Variants in XRCC2 observed in about 807,000 individuals in gnomAD.
XRCC2 encodes X-ray repair cross complementing 2.
A neutral mutation model predicts 27.3 loss-of-function variants in XRCC2; 24 were observed. That is an observed-to-expected ratio of 0.88 (90% CI 0.64 to 1.24). XRCC2 has a LOEUF of 1.24. XRCC2 is among the 50% of genes most tolerant of loss of function. The pLI, the probability that XRCC2 is intolerant of heterozygous loss-of-function variation, is 0.00. For missense variants in XRCC2, 321 were observed against 325.8 expected, an observed-to-expected ratio of 0.99 and a Z score of 0.11; for synonymous variants, 106 against 115.4, an observed-to-expected ratio of 0.92 and a Z score of 0.52.
intron 1 of XRCC2, among the ~76,000 whole-genome samples, chr7:152,664,605 G>A (rs965937716): frequency 3.9e-5 from 6 of 152,244 alleles, no homozygotes; most frequent in Middle Eastern, 3.4e-3. Context: ...GTTCCACCAC[G>A]GGCTCTCCTG....
rs140261690 is a variant in XRCC2, at chr7:152,660,598, C to T, written c.121+103G>A. 4.6e-4 allele frequency: 427 copies of T among 921,242 alleles called. 3 individuals carry two copies. The East Asian group carries it at 0.01, about 22-fold the overall frequency. The allele number at this position is 921,242 out of a possible 1,614,324, so 57.1% of individuals were successfully genotyped here. A position where few individuals can be genotyped will look rare whatever the true frequency, so the allele number is the denominator to read the frequency against. On this transcript the variant is annotated intron_variant, in intron 2 of 2. Transcript: ENST00000359321. The stretch of plus-strand genomic sequence containing the variant: ...CTCATTTTCCAATTGTACAGTTTAA[C>T]CTGTATAAACTCTTGTGAGGAGTAT...
intron 1 of XRCC2, among the ~76,000 whole-genome samples, chr7:152,663,138 T>G (rs575003365): frequency 6.6e-6 from 1 of 152,126 alleles, no homozygotes; most frequent in South Asian, 2.1e-4. Flanking sequence ...GGCATACCCA[T>G]GGCCAAAACT....
At chr7:152,667,268 G>A (rs1466511554) in intron 1 of XRCC2, among the ~76,000 whole-genome samples, 3 of 151,762 alleles carry the variant, frequency 2.0e-5, no homozygotes, top group Non-Finnish European at 2.9e-5. Context: ...TTAGCCAGGC[G>A]TGGTGGCACA....
chr7:152,659,501 C>G (rs977842935), intron 2 of XRCC2, among the ~76,000 whole-genome samples: 1 of 152,134 alleles, frequency 6.6e-6, no homozygotes, highest in African/African-American at 2.4e-5. Context: ...AGCAAAGGAT[C>G]TGACGTTTCT....
intron 1 of XRCC2, among the ~76,000 whole-genome samples, chr7:152,672,005 C>T (rs1318748989): frequency 2.0e-5 from 3 of 152,188 alleles, no homozygotes; most frequent in Admixed American, 6.5e-5. Context: ...CGTGCCACTG[C>T]TGTCCAGCCT....
intron 2 of XRCC2, among the ~76,000 whole-genome samples, chr7:152,653,100 TG>T (rs755850317): frequency 6.6e-6 from 1 of 152,018 alleles, no homozygotes; most frequent in Non-Finnish European, 1.5e-5. Context: ...AGGGACCCAG[TG>T]GGGGTAATTG....
chr7:152,660,239 C>A (rs1437717585), intron 2 of XRCC2, among the ~76,000 whole-genome samples: 1 of 152,016 alleles, frequency 6.6e-6, no homozygotes, highest in Admixed American at 6.6e-5. Context: ...GTGTAATAAC[C>A]TAAAAATCAC....
chr7:152,649,961 C>G (rs1295399575), intron 2 of XRCC2, among the ~76,000 whole-genome samples: 1 of 152,092 alleles, frequency 6.6e-6, no homozygotes, highest in Non-Finnish European at 1.5e-5. Flanking sequence ...AGGATGGTGG[C>G]GTGGAAGACA....
In XRCC2 at chr7:152,653,080, G is replaced by A. The variant is rs140623726; in HGVS notation, c.122-3717C>T. Among the ~76,000 whole-genome samples the A allele has an allele frequency of 7.2e-4, 109 of 152,232 alleles. 1 individual carries two copies. The highest frequency in any genetic ancestry group is 2.5e-3 in the African/African-American group (104 of 41,550). On this transcript the variant is annotated intron_variant, in intron 2 of 2. Coordinates refer to ENST00000359321, the MANE Select transcript of XRCC2 (RefSeq NM_005431.2). ...ACCCAAATCTCATTTGAAATCCCAC[G>A]TATTGTGGGAGGGACCCAGTGGGGG...
rs536656367 is a variant in XRCC2 at position 152,668,586 on chromosome 7, T to A, written c.39+7455A>T. ...TCTGCTTGACATGACAGTTTAATCC[T>A]CTTAGGGAAGACTAATACATCAGGC... On this transcript the variant is annotated intron_variant, in intron 1 of 2. Coordinates refer to ENST00000359321, the MANE Select transcript of XRCC2 (RefSeq NM_005431.2). Among the ~76,000 whole-genome samples the A allele has an allele frequency of 1.2e-4, 18 of 152,288 alleles. No individual in the cohort carries two copies. In the South Asian group the frequency reaches 3.3e-3, roughly 28 times the overall value.
intron 1 of XRCC2, among the ~76,000 whole-genome samples, chr7:152,672,393 T>C (rs971843641): frequency 6.6e-6 from 1 of 152,240 alleles, no homozygotes. Context: ...GCTTTTCTTT[T>C]TAAGAAAATC....
At position 152,648,842 on chromosome 7, in the gene XRCC2, G is replaced by T; in HGVS notation, c.643C>A (p.Arg215=). ...SSEEPSHASR[R]LCDVDIDYRP... ...TAGTCTATGTCCACATCACACAGTC[G>T]TCGAGAGGCATGAGAAGGTTCTTCT... The change falls in exon 3 of 3, where the codon CGA becomes AGA. Residue 215 remains arginine (R), a synonymous_variant. Coordinates refer to ENST00000359321, the MANE Select transcript of XRCC2 (RefSeq NM_005431.2). The T allele has an allele frequency of 6.2e-7, 1 of 1,613,802 alleles. No individual in the cohort carries two copies. Among genetic ancestry groups the T allele is most frequent in the South Asian group, 1.1e-5 (1 of 91,074 alleles).
At chr7:152,651,431 A>G (rs1341388552) in intron 2 of XRCC2, among the ~76,000 whole-genome samples, 2 of 634 alleles carry the variant, frequency 3.2e-3, no homozygotes, top group Non-Finnish European at 0.012. Context: ...CTACAATTAA[A>G]AAAAAAAAAA....
intron 1 of XRCC2, among the ~76,000 whole-genome samples, chr7:152,672,428 A>G (rs2098038543): frequency 6.6e-6 from 1 of 152,256 alleles, no homozygotes; most frequent in South Asian, 2.1e-4. Flanking sequence ...GTAAATATTT[A>G]CATTTACTAT....
At chr7:152,675,921 G>T in intron 1 of XRCC2, 120 bp downstream of exon 1, 1 of 1,379,952 alleles carries the variant, frequency 7.2e-7, no homozygotes, top group Non-Finnish European at 1.0e-6. Context: ...CGAGAGGCCG[G>T]TCCCAGCCCG....
rs763401560 is a variant in XRCC2 at position 152,649,103 on chromosome 7, GAAGT to G, written c.378_381del (p.Leu126PhefsTer7). ...ATACTTTCTAGTGAGTAAAGTGTAA[GAAGT>G]AAGTGGGTGCTACTACTGCAGTACA... On this transcript the variant is annotated frameshift_variant, in exon 3 of 3. Transcript: ENST00000359321. LOFTEE classifies it high-confidence loss of function. 18 of 1,614,030 alleles carry G rather than the reference GAAGT, an allele frequency of 1.1e-5. No individual in the cohort carries two copies. In the Admixed American group the frequency reaches 1.2e-4, roughly 10 times the overall value.
chr7:152,665,713 C>A (rs951852021), intron 1 of XRCC2, among the ~76,000 whole-genome samples: 1 of 151,930 alleles, frequency 6.6e-6, no homozygotes, highest in Admixed American at 6.6e-5. Flanking sequence ...AACTCCTGGG[C>A]TCAAGTGATC....
intron 2 of XRCC2, among the ~76,000 whole-genome samples, chr7:152,652,995 C>T (rs2098029172): frequency 6.6e-6 from 1 of 152,124 alleles, no homozygotes; most frequent in African/African-American, 2.4e-5. Flanking sequence ...CCACAGGGTG[C>T]TCACACTTAG....
At chr7:152,653,546 G>A (rs3218512) in intron 2 of XRCC2, among the ~76,000 whole-genome samples, 1 of 152,010 alleles carries the variant, frequency 6.6e-6, no homozygotes, top group African/African-American at 2.4e-5. Flanking sequence ...TGCAACCTCC[G>A]CCTCCCAGGC....
Sources: allele counts gnomAD v4.1 joint callset (sites outside exome capture counted in the v4.1 genomes callset), GRCh38; gene constraint gnomAD v4.1.1; transcripts MANE v1.5; gene names NCBI Gene and HGNC (gene_info 2026-07-23, HGNC 2026-07-21).